SBF2: variants seen among roughly 807,000 people sequenced by gnomAD.
The protein encoded by SBF2 is SET binding factor 2, also known as myotubularin-related protein 13.
SBF2 carries 112 observed loss-of-function variants against 225.2 expected under a neutral mutation model. The ratio of observed to expected loss-of-function variants is 0.50; its 90% CI spans 0.43 to 0.58. The LOEUF is 0.58. Ranked by LOEUF, SBF2 falls within the 20% of genes least tolerant of loss-of-function variation. The probability of loss-of-function intolerance (pLI) is 0.00; values close to 1 mark genes in which losing one functional copy is unlikely to be tolerated. For synonymous variants in SBF2, 763 were observed against 773.3 expected (o/e 0.99, Z 0.22); for missense variants, 1,996 against 2,206.2 (o/e 0.90, Z 1.91).
At chr11:9,935,582 C>T (rs1864838000) in intron 16 of SBF2, among the ~76,000 whole-genome samples, 1 of 152,184 alleles carries the variant, frequency 6.6e-6, no homozygotes, top group Admixed American at 6.5e-5. Flanking sequence ...GTAACCAAAA[C>T]AGCATGGTAC....
intron 16 of SBF2, among the ~76,000 whole-genome samples, chr11:9,931,049 G>T (rs1320161310): frequency 6.6e-6 from 1 of 152,246 alleles, no homozygotes; most frequent in Non-Finnish European, 1.5e-5. Flanking sequence ...CCTGGCTGGG[G>T]GAGGGGCATC....
chr11:10,097,525 C>A (rs1952076755), intron 2 of SBF2, among the ~76,000 whole-genome samples: 1 of 152,078 alleles, frequency 6.6e-6, no homozygotes, highest in African/African-American at 2.4e-5. Flanking sequence ...AAAACACATT[C>A]TTTAAAAAAA....
Position 10,244,447 on chromosome 11 carries a change from G to T in SBF2, c.55+49568C>A, listed in dbSNP as rs189294533. On this transcript the variant is annotated intron_variant, in intron 1 of 39. Coordinates refer to ENST00000256190, the MANE Select transcript of SBF2 (RefSeq NM_030962.4). ...AGTATATGCATGGATTTGTTTCTAG[G>T]TACTCTATTCTGCTCCAACAGTCTA... 2.0e-5 allele frequency among the ~76,000 whole-genome samples: 3 copies of T among 152,254 alleles called. No homozygotes were observed. In the East Asian group the frequency reaches 5.8e-4, roughly 29 times the overall value.
intron 16 of SBF2, among the ~76,000 whole-genome samples, chr11:9,936,416 C>T (rs1005511781): frequency 2.0e-5 from 3 of 152,152 alleles, no homozygotes; most frequent in African/African-American, 7.2e-5. Flanking sequence ...GGATCTAGAA[C>T]TGGAAATAGC....
chr11:10,042,379 T>C (rs1043100738), intron 3 of SBF2, among the ~76,000 whole-genome samples: 2 of 152,232 alleles, frequency 1.3e-5, no homozygotes, highest in African/African-American at 2.4e-5. Context: ...TTCATAGTTC[T>C]AGCTTATGAA....
chr11:9,891,580 G>A (rs1234999497), intron 17 of SBF2, among the ~76,000 whole-genome samples: 1 of 152,258 alleles, frequency 6.6e-6, no homozygotes, highest in South Asian at 2.1e-4. Flanking sequence ...AATTGAAATC[G>A]AAAATGAAAG....
chr11:10,255,844 G>A (rs1298718806), intron 1 of SBF2, among the ~76,000 whole-genome samples: 1 of 152,120 alleles, frequency 6.6e-6, no homozygotes, highest in Admixed American at 6.5e-5. Context: ...TATAAAACCA[G>A]GTCTCTTTAC....
chr11:9,855,096 GCA>G (rs1857221704), intron 19 of SBF2, among the ~76,000 whole-genome samples: 1 of 152,150 alleles, frequency 6.6e-6, no homozygotes, highest in Non-Finnish European at 1.5e-5. Flanking sequence ...GATCCTTTTG[GCA>G]GTAGAAAGAA....
chr11:9,972,217 G>T (rs928360167), intron 13 of SBF2, among the ~76,000 whole-genome samples: 1 of 152,044 alleles, frequency 6.6e-6, no homozygotes, highest in Non-Finnish European at 1.5e-5. Flanking sequence ...AGGTTCTTAT[G>T]AGTATTGAAC....
intron 2 of SBF2, among the ~76,000 whole-genome samples, chr11:10,142,112 CAT>C (rs556391354): frequency 2.0e-4 from 30 of 152,220 alleles, no homozygotes; most frequent in African/African-American, 6.7e-4. Context: ...TAACCTGTGT[CAT>C]AGATATGAAC....
rs566932253 is a variant in SBF2, at chr11:10,055,863, C to A, written c.142-12882G>T. ...CTTGGTAATGGGTATACTAAAATCC[C>A]AGACTTTACCATGATATAATCTTTC... On this transcript the variant is annotated intron_variant, in intron 2 of 39. Transcript: ENST00000256190. Among the ~76,000 whole-genome samples the A allele has an allele frequency of 4.6e-5, 7 of 152,138 alleles. No individual in the cohort carries two copies. The South Asian group carries it at 1.5e-3, about 32-fold the overall frequency.
At chr11:10,286,914 G>T (rs1963834968) in intron 1 of SBF2, among the ~76,000 whole-genome samples, 1 of 152,086 alleles carries the variant, frequency 6.6e-6, no homozygotes, top group African/African-American at 2.4e-5. Context: ...TTACCCAAGA[G>T]AAATAAAAAC....
At chr11:10,259,575 A>C (rs1375077369) in intron 1 of SBF2, among the ~76,000 whole-genome samples, 1 of 152,230 alleles carries the variant, frequency 6.6e-6, no homozygotes, top group African/African-American at 2.4e-5. Context: ...GGCCTTAGCC[A>C]CAGGGAATCC....
chr11:10,256,980 C>T (rs1217599268), intron 1 of SBF2, among the ~76,000 whole-genome samples: 1 of 152,172 alleles, frequency 6.6e-6, no homozygotes, highest in East Asian at 1.9e-4. Context: ...TACATCCAAA[C>T]ACTTCCTAGT....
intron 1 of SBF2, among the ~76,000 whole-genome samples, chr11:10,227,218 T>C (rs1291797693): frequency 6.6e-6 from 1 of 152,236 alleles, no homozygotes; most frequent in Non-Finnish European, 1.5e-5. Flanking sequence ...ATTCTGGATA[T>C]TAGACCTTTG....
At position 9,962,129 on chromosome 11, in the gene SBF2, T is replaced by C. The variant is rs960937462; in HGVS notation, c.1711-23A>G. On this transcript the variant is annotated intron_variant, in intron 15 of 39. Transcript: ENST00000256190. ...GGTCTGAGGACAAGAGAGGTACAAA[T>C]GACCAAATGGTACCACTGGGGGAAA... 3.1e-6 allele frequency: 5 copies of C among 1,612,824 alleles called. No homozygotes were observed. In the South Asian group the frequency reaches 4.4e-5, roughly 14 times the overall value.
chr11:10,138,929 C>T (rs756918818), intron 2 of SBF2, among the ~76,000 whole-genome samples: 3 of 152,086 alleles, frequency 2.0e-5, no homozygotes, highest in Non-Finnish European at 2.9e-5. Context: ...TCCTTGTCTG[C>T]GTTTTCCTTG....
At chr11:10,132,143 G>A (rs947866115) in intron 2 of SBF2, among the ~76,000 whole-genome samples, 2 of 151,988 alleles carry the variant, frequency 1.3e-5, no homozygotes, top group African/African-American at 4.8e-5. Flanking sequence ...AATTGTTTTT[G>A]TACCTTTGTC....
chr11:10,037,239 T>C lies in SBF2; in HGVS notation c.279+5605A>G, dbSNP rs375801951. Among the ~76,000 whole-genome samples, 16 of 152,282 alleles carry C rather than the reference T, an allele frequency of 1.1e-4. No individual in the cohort carries two copies. The Middle Eastern group carries it at 0.01, about 97-fold the overall frequency. On this transcript the variant is annotated intron_variant, in intron 3 of 39. Transcript: ENST00000256190. ...TCTAAGGAGAATCCCATGTGGATAC[T>C]TGCAAAGTTGTAAATTATCAAACTA...
Sources: allele counts gnomAD v4.1 joint callset (sites outside exome capture counted in the v4.1 genomes callset), GRCh38; gene constraint gnomAD v4.1.1; transcripts MANE v1.5; gene names NCBI Gene and HGNC (gene_info 2026-07-23, HGNC 2026-07-21).